EPN3: variants seen among roughly 807,000 people sequenced by gnomAD.
The protein encoded by EPN3 is epsin-3.
Under a neutral mutation model 55.5 loss-of-function variants are expected in EPN3, and 56 were observed. That is an observed-to-expected ratio of 1.01 (90% CI 0.81 to 1.26). The LOEUF (loss-of-function observed/expected upper bound fraction) is 1.26. Among genes scored for constraint, EPN3 ranks in the 50% most tolerant of loss-of-function variants. The pLI is 0.00. For synonymous variants in EPN3, 449 were observed against 375.2 expected (o/e 1.20, Z -2.27); for missense variants, 927 against 853.4 (o/e 1.09, Z -1.07).
In EPN3 at chr17:50,541,912, A is replaced by G. The variant is rs2034855022; in HGVS notation, c.1654A>G (p.Met552Val). The change falls in exon 10 of 10, where the codon ATG (methionine) becomes GTG (valine). Residue 552 changes from methionine (M) to valine (V), a missense_variant. By Grantham distance (21) the Met-to-Val change is conservative. Transcript: ENST00000268933. ...GCCGGGCAGGCCGACGCTAAACCAG[A>G]TGCGCACCGGCTCGCCGGCGCTGGG... ...GEPGRPTLNQ[M>V]RTGSPALGLA... 1.9e-6 allele frequency: 3 copies of G among 1,603,302 alleles called. No individual in the cohort carries two copies. The highest frequency in any genetic ancestry group is 2.5e-6 in the Non-Finnish European group (3 of 1,179,168).
rs746817179 is a variant in EPN3, at chr17:50,538,938, C to G, written c.736C>G (p.Arg246Gly). The G allele has an allele frequency of 5.0e-6, 8 of 1,607,826 alleles. No individual in the cohort carries two copies. The highest frequency in any genetic ancestry group is 6.8e-6 in the Non-Finnish European group (8 of 1,176,390). Residue 246 changes from arginine to glycine, a missense_variant, in exon 4 of 10, where the codon CGC (arginine) becomes GGC (glycine). Arg to Gly is a moderately radical substitution (Grantham distance 125, BLOSUM62 -2). Transcript: ENST00000268933. ...GGACCTGCAGCTGCAGCTGGCTCTG[C>G]GCCTGAGCCGGCAGGAGCACGAGAA... ...DEDLQLQLAL[R>G]LSRQEHEKEV... is the part of the protein sequence containing the mutation.
At chr17:50,534,954 A>G (rs111670942) in intron 1 of EPN3, among the ~76,000 whole-genome samples, 11,012 of 152,264 alleles carry the variant, frequency 0.072, 437 homozygotes, top group Non-Finnish European at 0.097. Context: ...GAGGCTCTGC[A>G]GGCCCAGACA....
chr17:50,541,732 G>C (rs1251072634), intron 9 of EPN3, 38 bp downstream of exon 9: 1 of 1,608,938 alleles, frequency 6.2e-7, no homozygotes, highest in Non-Finnish European at 8.5e-7. Flanking sequence ...AGGGGCTCCT[G>C]CTTTCAGAGC....
intron 5 of EPN3, 70 bp downstream of exon 5, chr17:50,539,385 A>T (rs988653840): frequency 1.2e-5 from 20 of 1,602,596 alleles, no homozygotes; most frequent in Non-Finnish European, 1.6e-5. Context: ...GTAAAGAGAG[A>T]GCAGAGCAGT....
At position 50,540,341 on chromosome 17, in the gene EPN3, A is replaced by G; in HGVS notation, c.979+7A>G. 1 of 1,607,532 alleles carries G rather than the reference A, an allele frequency of 6.2e-7. No individual in the cohort carries two copies. On this transcript the variant is annotated splice_region_variant and intron_variant, in intron 6 of 9. Coordinates refer to ENST00000268933, the MANE Select transcript of EPN3 (RefSeq NM_017957.3). ...GACCCATGGGACATCCCAGGTGGGC[A>G]TGCAGGGCTGCAAGAGACTTCCAGG...
Position 50,539,252 on chromosome 17 carries a change from T to C in EPN3, c.828T>C (p.His276=). The C allele has an allele frequency of 4.3e-6, 7 of 1,614,084 alleles. No homozygotes were observed. Among genetic ancestry groups the C allele is most frequent in the Non-Finnish European group, 5.9e-6 (7 of 1,180,018 alleles). The change falls in exon 5 of 10, where the codon CAT becomes CAC. Residue 276 remains histidine (H), a synonymous_variant. Transcript: ENST00000268933. Reference sequence around the variant, plus strand: ...ATGGTGCAGGGGCCGTGGTCCACCATCAGCGGGACAGAGAGCCTGAGAGAG... The same window carrying C: ...ATGGTGCAGGGGCCGTGGTCCACCACCAGCGGGACAGAGAGCCTGAGAGAG... ...MANGAGAVVH[H]QRDREPEREE... is the part of the protein sequence containing the mutation.
At position 50,541,928 on chromosome 17, in the gene EPN3, C is replaced by G. The variant is rs749570640; in HGVS notation, c.1670C>G (p.Pro557Arg). 6.9e-6 allele frequency: 11 copies of G among 1,599,852 alleles called. No homozygotes were observed. The highest frequency in any genetic ancestry group is 9.3e-6 in the Non-Finnish European group (11 of 1,178,316). Residue 557 changes from proline to arginine, a missense_variant, in exon 10 of 10, where the codon CCG becomes CGG. By Grantham distance (103) the Pro-to-Arg change is moderately radical (BLOSUM62 -2). Transcript: ENST00000268933. ...CTAAACCAGATGCGCACCGGCTCGC[C>G]GGCGCTGGGCCTGGCAGGCGGGCCT... is the stretch of plus-strand genomic sequence containing the variant. ...PTLNQMRTGS[P>R]ALGLAGGPVG...
In EPN3 at chr17:50,543,425, C is replaced by T. The variant is rs941552927; in HGVS notation, c.*1268C>T. On this transcript the variant is annotated 3_prime_UTR_variant, in exon 10 of 10. Coordinates refer to ENST00000268933, the MANE Select transcript of EPN3 (RefSeq NM_017957.3). ...TTTTCTTCTCAATGCTCCCTGATCA[C>T]TGGACCACTGGACACTGATGTGTCC... The T allele has an allele frequency of 2.0e-5, 3 of 152,272 alleles. No individual in the cohort carries two copies. The highest frequency in any genetic ancestry group is 7.2e-5 in the African/African-American group (3 of 41,474). 9.4% of individuals were successfully genotyped at this position (152,272 alleles called of 1,614,324 possible).
Position 50,542,259 on chromosome 17 carries a change from A to G in EPN3, c.*102A>G. ...GGGCGCCGGTGCTAGTGGAACGCCGAGCCAGTGGCGGCTGGTATCCCGCGG... is the reference window on the plus strand; with the variant it reads ...GGGCGCCGGTGCTAGTGGAACGCCGGGCCAGTGGCGGCTGGTATCCCGCGG... On this transcript the variant is annotated 3_prime_UTR_variant, in exon 10 of 10. Coordinates refer to ENST00000268933, the MANE Select transcript of EPN3 (RefSeq NM_017957.3). The G allele has an allele frequency of 4.0e-6, 5 of 1,261,702 alleles. No homozygotes were observed. The highest frequency in any genetic ancestry group is 5.1e-6 in the Non-Finnish European group (5 of 972,708). The allele number at this position is 1,261,702 out of a possible 1,614,324, so 78.2% of individuals were successfully genotyped here. A position where few individuals can be genotyped will look rare whatever the true frequency, so the allele number is the denominator to read the frequency against.
rs1291713513 is a variant in EPN3, at chr17:50,532,918, C to A, written c.-204C>A. 7.8e-7 allele frequency: 1 copy of A among 1,286,008 alleles called. No individual in the cohort carries two copies. Among genetic ancestry groups the A allele is most frequent in the Non-Finnish European group, 1.0e-6 (1 of 987,650 alleles). 79.7% of individuals were successfully genotyped at this position (1,286,008 alleles called of 1,614,324 possible). On this transcript the variant is annotated 5_prime_UTR_variant, in exon 1 of 10. An upstream open reading frame in the 5' UTR gains an earlier in-frame stop. Transcript: ENST00000268933. ...CCGAGGCTGTGCCGTCCCGCTGCTGCACAGGTCGGAGGGTCACCGCAGAGG... is the reference window on the plus strand; with the variant it reads ...CCGAGGCTGTGCCGTCCCGCTGCTGAACAGGTCGGAGGGTCACCGCAGAGG...
At chr17:50,533,052 A>G (rs1368149419) in intron 1 of EPN3, 67 bp downstream of exon 1, 4 of 1,042,472 alleles carry the variant, frequency 3.8e-6, no homozygotes, top group Non-Finnish European at 5.2e-6. Flanking sequence ...GTGGGGAGCA[A>G]ACAGTGGTTC....
In EPN3 at chr17:50,538,855, G is replaced by A. The variant is rs572137963; in HGVS notation, c.682-29G>A. On this transcript the variant is annotated intron_variant, in intron 3 of 9. Transcript: ENST00000268933. ...TCTGGTCCCAAGGTGGGGGTACAGG[G>A]CCAAGTTTACCCCTCTCTTCCTCCG... 8 of 1,541,446 alleles carry A rather than the reference G, an allele frequency of 5.2e-6. No individual in the cohort carries two copies. The South Asian group carries it at 9.8e-5, about 19-fold the overall frequency.
rs142336934 is a variant in EPN3, at chr17:50,536,896, C to G, written c.340C>G (p.Arg114Gly). 1.2e-6 allele frequency: 2 copies of G among 1,614,172 alleles called. No individual in the cohort carries two copies. Among genetic ancestry groups the G allele is most frequent in the Admixed American group, 1.7e-5 (1 of 60,036 alleles). ...ACTCAAGGACTTCCAGTACATCGAC[C>G]GCGACGGCAAGGACCAGGGCGTCAA... ...QTLKDFQYID[R>G]DGKDQGVNVR... is the part of the protein sequence containing the mutation. Residue 114 changes from arginine (R) to glycine (G), a missense_variant, in exon 2 of 10, where the codon CGC (arginine) becomes GGC (glycine). Physicochemically the swap from Arg to Gly is moderately radical, Grantham distance 125. Coordinates refer to ENST00000268933, the MANE Select transcript of EPN3 (RefSeq NM_017957.3).
chr17:50,534,848 C>T (rs970299476), intron 1 of EPN3, among the ~76,000 whole-genome samples: 3 of 152,192 alleles, frequency 2.0e-5, no homozygotes, highest in African/African-American at 7.2e-5. Context: ...CAGATTCCTG[C>T]TTCTGGCAGC....
intron 1 of EPN3, among the ~76,000 whole-genome samples, chr17:50,533,759 C>T (rs544559544): frequency 2.0e-5 from 3 of 152,244 alleles, no homozygotes; most frequent in East Asian, 3.9e-4. Flanking sequence ...GCCCATCCCA[C>T]CGCCTGCTGG....
intron 6 of EPN3, 69 bp downstream of exon 6, chr17:50,540,403 G>T: frequency 6.9e-7 from 1 of 1,452,404 alleles, no homozygotes; most frequent in Non-Finnish European, 9.4e-7. Flanking sequence ...GCCACTTGCT[G>T]GGCCAAGCAC....
intron 2 of EPN3, 139 bp downstream of exon 2, chr17:50,537,257 A>C: frequency 1.1e-6 from 1 of 876,834 alleles, no homozygotes; most frequent in East Asian, 2.7e-5. Flanking sequence ...GTAACACGCA[A>C]GGCGCAACAC....
chr17:50,536,643 C>A lies in EPN3; in HGVS notation c.87C>A (p.Ser29Arg). The A allele has an allele frequency of 6.2e-7, 1 of 1,614,020 alleles. No homozygotes were observed. The highest frequency in any genetic ancestry group is 8.5e-7 in the Non-Finnish European group (1 of 1,180,008). Reference sequence around the variant, plus strand: ...AAATCAAGGTGCGCGAGGCCACCAGCAATGACCCCTGGGGCCCCCCTAGTT... The same window carrying A: ...AAATCAAGGTGCGCGAGGCCACCAGAAATGACCCCTGGGGCCCCCCTAGTT... ...EAEIKVREAT[S>R]NDPWGPPSSL... is the part of the protein sequence containing the mutation. Residue 29 changes from serine (S) to arginine (R), a missense_variant, in exon 2 of 10, where the codon AGC (serine) becomes AGA (arginine). Transcript: ENST00000268933.
At chr17:50,537,913 G>C in intron 2 of EPN3, 166 bp from the exon 3 acceptor site, 1 of 597,326 alleles carries the variant, frequency 1.7e-6, no homozygotes, top group Non-Finnish European at 3.0e-6. Flanking sequence ...GATGGGTTGG[G>C]ATGGGGAACT....
Sources: allele counts gnomAD v4.1 joint callset (sites outside exome capture counted in the v4.1 genomes callset), GRCh38; gene constraint gnomAD v4.1.1; transcripts MANE v1.5; gene names NCBI Gene and HGNC (gene_info 2026-07-23, HGNC 2026-07-21).